Variants in INPP4B observed in about 807,000 individuals in gnomAD.
The protein encoded by INPP4B is inositol polyphosphate 4-phosphatase type II.
Under a neutral mutation model 122.5 loss-of-function variants are expected in INPP4B, and 55 were observed. The ratio of observed to expected loss-of-function variants is 0.45; its 90% confidence interval spans 0.36 to 0.56. The LOEUF is 0.56. INPP4B is among the 20% of genes least tolerant of loss of function. INPP4B has a pLI of 0.00. For missense variants in INPP4B, 1,000 were observed against 1,097.7 expected (o/e 0.91, Z 1.26); for synonymous variants, 403 against 388.7 (o/e 1.04, Z -0.43).
chr4:142,704,862 C>G (rs1762268181), intron 2 of INPP4B, among the ~76,000 whole-genome samples: 1 of 152,162 alleles, frequency 6.6e-6, no homozygotes, highest in South Asian at 2.1e-4. Flanking sequence ...GTACTTTTCA[C>G]CCCCACCCAT....
At chr4:142,452,695 T>A (rs1697026010) in intron 3 of INPP4B, among the ~76,000 whole-genome samples, 1 of 152,182 alleles carries the variant, frequency 6.6e-6, no homozygotes, top group South Asian at 2.1e-4. Flanking sequence ...TTTACTCTGC[T>A]GTTCAGTGTG....
chr4:142,554,960 T>C (rs1419367874), intron 2 of INPP4B, among the ~76,000 whole-genome samples: 1 of 152,204 alleles, frequency 6.6e-6, no homozygotes, highest in Non-Finnish European at 1.5e-5. Flanking sequence ...AATTCCTATA[T>C]ACTCTCTTAA....
intron 2 of INPP4B, among the ~76,000 whole-genome samples, chr4:142,483,198 T>C (rs1319587568): frequency 4.9e-5 from 7 of 143,074 alleles, no homozygotes; most frequent in Non-Finnish European, 1.1e-4. Flanking sequence ...TTTTTTTTTT[T>C]TTTTTTTTTT....
At chr4:142,590,420 G>T (rs566539161) in intron 2 of INPP4B, among the ~76,000 whole-genome samples, 1 of 152,176 alleles carries the variant, frequency 6.6e-6, no homozygotes, top group African/African-American at 2.4e-5. Flanking sequence ...TAAGACTGAA[G>T]ACAAAAGGAT....
At chr4:142,674,011 G>C (rs1757368356) in intron 2 of INPP4B, among the ~76,000 whole-genome samples, 1 of 152,004 alleles carries the variant, frequency 6.6e-6, no homozygotes, top group African/African-American at 2.4e-5. Flanking sequence ...TGGCAGATGG[G>C]AGCTGCCTCT....
At chr4:142,111,632 G>C (rs1052235525) in intron 22 of INPP4B, among the ~76,000 whole-genome samples, 4 of 151,050 alleles carry the variant, frequency 2.6e-5, no homozygotes, top group African/African-American at 9.7e-5. Flanking sequence ...ACAGGTGTGA[G>C]CCACTGACCC....
At chr4:142,225,753 T>C (rs555766091) in intron 12 of INPP4B, among the ~76,000 whole-genome samples, 1 of 152,224 alleles carries the variant, frequency 6.6e-6, no homozygotes, top group East Asian at 1.9e-4. Context: ...ATAGATCAAA[T>C]TAATTTTCTC....
intron 2 of INPP4B, among the ~76,000 whole-genome samples, chr4:142,471,041 A>T (rs1818723906): frequency 6.6e-6 from 1 of 152,216 alleles, no homozygotes; most frequent in South Asian, 2.1e-4. Flanking sequence ...AAAGTTGTAT[A>T]TCTCATTTAT....
At chr4:142,399,550 T>G (rs1433685421) in intron 7 of INPP4B, among the ~76,000 whole-genome samples, 1 of 152,144 alleles carries the variant, frequency 6.6e-6, no homozygotes, top group Admixed American at 6.5e-5. Context: ...TCCCACAGCT[T>G]GACTCTTTAG....
chr4:142,384,047 T>C, intron 7 of INPP4B: 1 of 701,230 alleles, frequency 1.4e-6, no homozygotes, highest in South Asian at 1.5e-5. Context: ...CTGAGCAAGT[T>C]GTCTCAAGTT....
rs1055156265 is a variant in INPP4B at position 142,625,516 on chromosome 4, A to C, written c.-191+100323T>G. Among the ~76,000 whole-genome samples the C allele has an allele frequency of 7.2e-5, 11 of 152,280 alleles. No individual in the cohort carries two copies. In the East Asian group the frequency reaches 1.2e-3, roughly 16 times the overall value. On this transcript the variant is annotated intron_variant, in intron 2 of 25. Transcript: ENST00000262992. ...ACAAATAGAAGAACATTCCATGCTC[A>C]TGGGTAGGAAGAATCAATATCGTGA...
chr4:142,416,172 C>A (rs1379314342), intron 5 of INPP4B, among the ~76,000 whole-genome samples: 1 of 151,984 alleles, frequency 6.6e-6, no homozygotes, highest in Non-Finnish European at 1.5e-5. Flanking sequence ...TAGTGTCAGG[C>A]AGGTATTTAG....
At chr4:142,828,410 T>C (rs1311207759) in intron 1 of INPP4B, among the ~76,000 whole-genome samples, 1 of 152,170 alleles carries the variant, frequency 6.6e-6, no homozygotes, top group Non-Finnish European at 1.5e-5. Context: ...TGTTGATCTC[T>C]ACCATAGTTC....
At chr4:142,601,098 G>A (rs1053426579) in intron 2 of INPP4B, among the ~76,000 whole-genome samples, 3 of 152,024 alleles carry the variant, frequency 2.0e-5, no homozygotes, top group Non-Finnish European at 2.9e-5. Context: ...CAATCATAAT[G>A]GGTGAATTTC....
intron 10 of INPP4B, among the ~76,000 whole-genome samples, chr4:142,266,193 T>C (rs748137849): frequency 2.0e-5 from 3 of 152,132 alleles, no homozygotes; most frequent in Admixed American, 6.6e-5. Flanking sequence ...GAGTCTTATA[T>C]AGAACTACAA....
At chr4:142,420,214 T>A (rs562869975) in intron 5 of INPP4B, among the ~76,000 whole-genome samples, 1 of 152,194 alleles carries the variant, frequency 6.6e-6, no homozygotes, top group South Asian at 2.1e-4. Flanking sequence ...ATTAAAGATA[T>A]CCCTTAATTA....
At chr4:142,644,075 C>T (rs1751170600) in intron 2 of INPP4B, among the ~76,000 whole-genome samples, 1 of 151,870 alleles carries the variant, frequency 6.6e-6, no homozygotes, top group Admixed American at 6.6e-5. Context: ...GTGGCAGGTG[C>T]CTATAGTCCT....
At chr4:142,306,723 G>A (rs1487532907) in intron 8 of INPP4B, among the ~76,000 whole-genome samples, 2 of 152,168 alleles carry the variant, frequency 1.3e-5, no homozygotes, top group Non-Finnish European at 2.9e-5. Context: ...AAAACACGCT[G>A]GTCGTGGTGG....
intron 9 of INPP4B, among the ~76,000 whole-genome samples, chr4:142,273,000 G>T (rs1307212183): frequency 6.6e-6 from 1 of 151,948 alleles, no homozygotes; most frequent in Non-Finnish European, 1.5e-5. Flanking sequence ...ATTTGCAACA[G>T]AAGAGCTGTG....
Sources: allele counts gnomAD v4.1 joint callset (sites outside exome capture counted in the v4.1 genomes callset), GRCh38; gene constraint gnomAD v4.1.1; transcripts MANE v1.5; gene names NCBI Gene and HGNC (gene_info 2026-07-23, HGNC 2026-07-21).